The following RALGAPA1 variants were observed in gnomAD, a reference collection of about 807,000 sequenced individuals.
The protein encoded by RALGAPA1 is ral GTPase-activating protein subunit alpha-1.
Under a neutral mutation model 269.6 loss-of-function variants are expected in RALGAPA1, and 52 were observed. The observed-to-expected ratio is 0.19, with a 90% CI of 0.15 to 0.24. The LOEUF is 0.24. Ranked by LOEUF, RALGAPA1 falls within the 10% of genes least tolerant of loss-of-function variation. The pLI, the probability that RALGAPA1 is intolerant of heterozygous loss-of-function variation, is 1.00. For missense variants in RALGAPA1, 1,917 were observed against 3,013.9 expected (o/e 0.64, Z 8.52); for synonymous variants, 817 against 1,008.3 (o/e 0.81, Z 3.60).
intron 1 of RALGAPA1, among the ~76,000 whole-genome samples, chr14:35,791,708 C>CAGGAG (rs2076183050): frequency 6.6e-6 from 1 of 151,514 alleles, no homozygotes; most frequent in Non-Finnish European, 1.5e-5. Context: ...AGATCGAGAC[C>CAGGAG]ATCCTGGCTA....
chr14:35,622,011 T>C (rs754367930), intron 35 of RALGAPA1, among the ~76,000 whole-genome samples: 14 of 152,220 alleles, frequency 9.2e-5, no homozygotes, highest in Non-Finnish European at 1.9e-4. Flanking sequence ...ATACCGTTAC[T>C]GGGTATATAC....
At chr14:35,566,343 A>T (rs1306745269) in intron 39 of RALGAPA1, among the ~76,000 whole-genome samples, 1 of 152,154 alleles carries the variant, frequency 6.6e-6, no homozygotes, top group Non-Finnish European at 1.5e-5. Flanking sequence ...GAACAACATT[A>T]GATTCATGGT....
At chr14:35,572,096 G>C (rs905902632) in intron 38 of RALGAPA1, among the ~76,000 whole-genome samples, 2 of 152,100 alleles carry the variant, frequency 1.3e-5, no homozygotes, top group Non-Finnish European at 1.5e-5. Flanking sequence ...TATAGGATAG[G>C]TGACTGAACC....
intron 41 of RALGAPA1, among the ~76,000 whole-genome samples, chr14:35,540,942 C>T (rs2053909962): frequency 6.6e-6 from 1 of 150,796 alleles, no homozygotes; most frequent in African/African-American, 2.5e-5. Flanking sequence ...ACTGAAGTTA[C>T]TGAATGTTTA....
At chr14:35,760,569 G>A (rs1346683206) in intron 6 of RALGAPA1, among the ~76,000 whole-genome samples, 1 of 152,168 alleles carries the variant, frequency 6.6e-6, no homozygotes, top group Non-Finnish European at 1.5e-5. Context: ...TCTGCCTCCT[G>A]ACCAACTCTG....
At chr14:35,792,872 T>A (rs1595575414) in intron 1 of RALGAPA1, among the ~76,000 whole-genome samples, 5 of 109,970 alleles carry the variant, frequency 4.5e-5, no homozygotes, top group African/African-American at 4.2e-5. Flanking sequence ...ATGTAAGAGA[T>A]TCAAGAGGGG....
chr14:35,671,425 T>C lies in RALGAPA1; in HGVS notation c.5166A>G (p.Val1722=). 1.2e-6 allele frequency: 2 copies of C among 1,611,564 alleles called. No individual in the cohort carries two copies. The highest frequency in any genetic ancestry group is 1.7e-6 in the Non-Finnish European group (2 of 1,178,774). ...CTGAAGAAGCCACTCTACCAGCTGC[T>C]ACAATAAAATCCATAATAAGCATTG... ...GATMLIMDFI[V]AAGRVASSAF... The change falls in exon 26 of 42, where the codon GTA becomes GTG. Residue 1722 remains valine, a synonymous_variant. Coordinates refer to ENST00000680220, the MANE Select transcript of RALGAPA1 (RefSeq NM_001346249.2).
At chr14:35,702,932 G>T (rs2067491514) in intron 16 of RALGAPA1, among the ~76,000 whole-genome samples, 1 of 151,708 alleles carries the variant, frequency 6.6e-6, no homozygotes, top group Non-Finnish European at 1.5e-5. Flanking sequence ...TAGAGACAGG[G>T]TTTCACTGTG....
intron 1 of RALGAPA1, among the ~76,000 whole-genome samples, chr14:35,780,571 A>C (rs2075360508): frequency 6.6e-6 from 1 of 152,264 alleles, no homozygotes; most frequent in Non-Finnish European, 1.5e-5. Context: ...GAAATTAAGA[A>C]AACTCACAAA....
intron 20 of RALGAPA1, among the ~76,000 whole-genome samples, chr14:35,684,295 T>C (rs932940958): frequency 6.6e-5 from 10 of 152,192 alleles, no homozygotes; most frequent in African/African-American, 1.2e-4. Flanking sequence ...AAGTGCAATA[T>C]AGAATTATAG....
At chr14:35,764,529 TTTTATTTA>T (rs368091853) in intron 4 of RALGAPA1, among the ~76,000 whole-genome samples, 11 of 151,806 alleles carry the variant, frequency 7.2e-5, no homozygotes, top group South Asian at 6.2e-4. Context: ...TGCAGATAAG[TTTTATTTA>T]TTTATTTATT....
At chr14:35,668,290 C>A (rs2064118056) in intron 26 of RALGAPA1, among the ~76,000 whole-genome samples, 1 of 152,290 alleles carries the variant, frequency 6.6e-6, no homozygotes, top group East Asian at 1.9e-4. Flanking sequence ...CAAGACCAGC[C>A]TGGCCAAAAT....
rs752973951 is a variant in RALGAPA1 at position 35,724,990 on chromosome 14, T to C, written c.1866+34A>G. On this transcript the variant is annotated intron_variant, in intron 14 of 41. Transcript: ENST00000680220. ...AACAAAACAAAACAACCCATATCTA[T>C]CCAGCTATTCATCTATTTATTTATT... 7 of 1,537,036 alleles carry C rather than the reference T, an allele frequency of 4.6e-6. No homozygotes were observed. The Admixed American group carries it at 5.8e-5, about 13-fold the overall frequency.
intron 29 of RALGAPA1, among the ~76,000 whole-genome samples, chr14:35,655,201 G>A (rs981389436): frequency 2.5e-4 from 38 of 152,002 alleles, no homozygotes; most frequent in African/African-American, 9.2e-4. Flanking sequence ...TATCTGTCAT[G>A]TAACTATTAT....
intron 6 of RALGAPA1, among the ~76,000 whole-genome samples, chr14:35,759,556 A>G (rs2073506887): frequency 6.6e-6 from 1 of 152,024 alleles, no homozygotes; most frequent in Admixed American, 6.6e-5. Flanking sequence ...TTATTTAAAT[A>G]ACAGGATTCG....
intron 21 of RALGAPA1, among the ~76,000 whole-genome samples, chr14:35,682,822 A>G (rs559753368): frequency 1.1e-4 from 16 of 152,240 alleles, no homozygotes; most frequent in South Asian, 2.1e-4. Flanking sequence ...CTCTAACCCA[A>G]TTGGTTCCCA....
At chr14:35,625,507 C>A in intron 34 of RALGAPA1, 75 bp from the exon 35 acceptor site, 1 of 1,065,056 alleles carries the variant, frequency 9.4e-7, no homozygotes, top group Non-Finnish European at 1.4e-6. Flanking sequence ...ATACTTTCCA[C>A]TCTACTCATG....
chr14:35,691,596 A>C (rs1329359062), intron 17 of RALGAPA1, among the ~76,000 whole-genome samples: 1 of 152,214 alleles, frequency 6.6e-6, no homozygotes, highest in African/African-American at 2.4e-5. Flanking sequence ...TTTTGAGACT[A>C]GTTTCCTCAT....
intron 37 of RALGAPA1, among the ~76,000 whole-genome samples, chr14:35,587,368 G>A (rs1025684148): frequency 2.6e-5 from 4 of 152,040 alleles, no homozygotes; most frequent in African/African-American, 9.7e-5. Context: ...CCCATTACTG[G>A]GTGTATACCC....
Sources: allele counts gnomAD v4.1 joint callset (sites outside exome capture counted in the v4.1 genomes callset), GRCh38; gene constraint gnomAD v4.1.1; transcripts MANE v1.5; gene names NCBI Gene and HGNC (gene_info 2026-07-23, HGNC 2026-07-21).